Variants in UBE3B observed in about 807,000 individuals in gnomAD.
UBE3B encodes the protein ubiquitin protein ligase E3B.
A neutral mutation model predicts 132.3 loss-of-function variants in UBE3B; 80 were observed. That is an observed-to-expected ratio of 0.60 (90% CI 0.50 to 0.73). The LOEUF (loss-of-function observed/expected upper bound fraction) is 0.73, where lower values mean the gene tolerates loss of function less well. Among genes scored for constraint, UBE3B ranks in the 30% least tolerant of loss-of-function variants. The pLI is 0.00. For missense variants in UBE3B, 1,196 were observed against 1,362.5 expected (o/e 0.88, Z 1.92); for synonymous variants, 487 against 520.4 (o/e 0.94, Z 0.87).
chr12:109,533,872 C>A, intron 27 of UBE3B: 1 of 1,295,822 alleles, frequency 7.7e-7, no homozygotes, highest in Non-Finnish European at 1.0e-6. Context: ...AGATCTGAGG[C>A]AGCATGGGAG....
At chr12:109,492,806 A>G (rs1484071227) in intron 9 of UBE3B, 1 of 152,072 alleles carries the variant, frequency 6.6e-6, no homozygotes, top group Non-Finnish European at 1.5e-5. Flanking sequence ...TTAAACTAAT[A>G]TATCCAAAAT....
chr12:109,525,995 C>T (rs757087258), intron 23 of UBE3B, among the ~76,000 whole-genome samples: 20 of 152,176 alleles, frequency 1.3e-4, no homozygotes, highest in Middle Eastern at 3.4e-3. Flanking sequence ...TTTTAGTAAA[C>T]GCACATTTTC....
chr12:109,500,194 A>G (rs542522334), intron 12 of UBE3B, among the ~76,000 whole-genome samples: 1 of 152,348 alleles, frequency 6.6e-6, no homozygotes, highest in Non-Finnish European at 1.5e-5. Context: ...AAATGATTCA[A>G]AGGGAATAGA....
At chr12:109,531,551 G>C (rs1251107756) in intron 26 of UBE3B, among the ~76,000 whole-genome samples, 1 of 152,140 alleles carries the variant, frequency 6.6e-6, no homozygotes, top group East Asian at 1.9e-4. Flanking sequence ...GGCCTCATCT[G>C]TTGAGGCAAC....
In UBE3B at chr12:109,522,507, G is replaced by A. The variant is rs1390224434; in HGVS notation, c.2364+956G>A. Among the ~76,000 whole-genome samples, 1 of 152,236 alleles carries A rather than the reference G, an allele frequency of 6.6e-6. No individual in the cohort carries two copies. The highest frequency in any genetic ancestry group is 1.5e-5 in the Non-Finnish European group (1 of 68,040). ...GGACCCTGCCTGGGTCTCAGGCTCT[G>A]CTGAGCTTCTGGCCCAAGCACGGAG... On this transcript the variant is annotated intron_variant, in intron 21 of 27. Coordinates refer to ENST00000342494, the MANE Select transcript of UBE3B (RefSeq NM_130466.4). The surrounding 1 kb of genome is among the most constrained non-coding windows in gnomAD (Gnocchi z 4.2).
At chr12:109,501,089 T>C (rs1008834186) in intron 12 of UBE3B, among the ~76,000 whole-genome samples, 2 of 152,186 alleles carry the variant, frequency 1.3e-5, no homozygotes, top group African/African-American at 4.8e-5. Flanking sequence ...CAAGATTGTT[T>C]TTGTCACCTG....
chr12:109,540,739 C>T (rs1883594032), downstream of UBE3B, among the ~76,000 whole-genome samples: 1 of 152,254 alleles, frequency 6.6e-6, no homozygotes, highest in Admixed American at 6.5e-5. Flanking sequence ...TCCAGGACTG[C>T]CCCTCACACA....
At chr12:109,524,352 C>T in intron 22 of UBE3B, 86 bp from the exon 23 acceptor site, 2 of 1,532,302 alleles carry the variant, frequency 1.3e-6, no homozygotes, top group Non-Finnish European at 1.8e-6. Flanking sequence ...TTCCCAGCAC[C>T]AAAGCAGCGC....
chr12:109,512,571 T>C (rs1880511696), intron 18 of UBE3B, among the ~76,000 whole-genome samples: 1 of 152,188 alleles, frequency 6.6e-6, no homozygotes, highest in Non-Finnish European at 1.5e-5. Context: ...TTTCTCCTGT[T>C]CTATTTTCTT....
Position 109,533,483 on chromosome 12 carries a change from C to G in UBE3B, c.2940C>G (p.Ser980=). The stretch of plus-strand genomic sequence containing the variant: ...TGTTGCAGTTCGTGACCAGCTGCTC[C>G]AGACCCCCGCTCCTGGGATTCGCCT... The part of the protein sequence containing the change: ...AMFLKFVTSC[S]RPPLLGFAYL... Residue 980 remains serine, a synonymous_variant, in exon 27 of 28, where the codon TCC becomes TCG. Transcript: ENST00000342494. 1 of 1,614,184 alleles carries G rather than the reference C, an allele frequency of 6.2e-7. No individual in the cohort carries two copies. Among genetic ancestry groups the G allele is most frequent in the Non-Finnish European group, 8.5e-7 (1 of 1,180,030 alleles).
At chr12:109,509,527 CA>C in intron 15 of UBE3B, 68 bp from the exon 16 acceptor site, 1 of 904,886 alleles carries the variant, frequency 1.1e-6, no homozygotes, top group African/African-American at 1.7e-5. Flanking sequence ...GTCTAGTAAG[CA>C]GTACAGATTT....
At chr12:109,487,218 C>T (rs1876652906) in intron 6 of UBE3B, among the ~76,000 whole-genome samples, 1 of 152,162 alleles carries the variant, frequency 6.6e-6, no homozygotes, top group Admixed American at 6.5e-5. Flanking sequence ...GTCACAGTGG[C>T]AAGAGGAATG....
chr12:109,486,531 A>G lies in UBE3B; in HGVS notation c.403A>G (p.Lys135Glu), dbSNP rs1427784978. 6.2e-7 allele frequency: 1 copy of G among 1,611,906 alleles called. No homozygotes were observed. Among genetic ancestry groups the G allele is most frequent in the East Asian group, 2.2e-5 (1 of 44,800 alleles). The change falls in exon 6 of 28, where the codon AAG becomes GAG. Residue 135 changes from lysine to glutamate, a missense_variant. Transcript: ENST00000342494. Reference protein sequence around the residue: ...DLTLLWIQQIKNILWYCCDFL... With the variant: ...DLTLLWIQQIENILWYCCDFL... ...CACCCTCCTTTGGATTCAACAGATC[A>G]AGAACATTTTGTGGTACTGCTGTGA...
the UBE3B span, among the ~76,000 whole-genome samples, chr12:109,542,515 C>G: frequency 6.6e-6 from 1 of 152,136 alleles, no homozygotes; most frequent in Admixed American, 6.5e-5. Flanking sequence ...GCATCCTAAC[C>G]CCCACTACCT....
In UBE3B at chr12:109,521,265, A is replaced by C. The variant is rs2136064470; in HGVS notation, c.2194A>C (p.Lys732Gln). ...AGGGATTGATCAAGACGGTGTTTTT[A>C]AGGAGTTCTTGGAAGAGATCATCAA... ...EAGIDQDGVFKEFLEEIIKRV... is the reference protein window; with the variant it reads ...EAGIDQDGVFQEFLEEIIKRV... Residue 732 changes from lysine (K) to glutamine (Q), a missense_variant, in exon 20 of 28, where the codon AAG becomes CAG. By Grantham distance (53) the Lys-to-Gln change is moderately conservative. Coordinates refer to ENST00000342494, the MANE Select transcript of UBE3B (RefSeq NM_130466.4). The surrounding 1 kb of genome is among the most constrained non-coding windows in gnomAD (Gnocchi z 4.2). The C allele has an allele frequency of 6.2e-7, 1 of 1,614,154 alleles. No individual in the cohort carries two copies. Among genetic ancestry groups the C allele is most frequent in the Non-Finnish European group, 8.5e-7 (1 of 1,180,020 alleles).
intron 14 of UBE3B, among the ~76,000 whole-genome samples, chr12:109,504,076 T>C (rs1166356254): frequency 6.6e-6 from 1 of 152,226 alleles, no homozygotes; most frequent in African/African-American, 2.4e-5. Flanking sequence ...GTAGGGCTCA[T>C]GTAATGATGG....
At chr12:109,540,175 C>T (rs965545788), downstream of UBE3B, among the ~76,000 whole-genome samples, 2 of 152,132 alleles carry the variant, frequency 1.3e-5, no homozygotes, top group African/African-American at 4.8e-5. Flanking sequence ...GATGTATGTG[C>T]AGGGTTTGGG....
chr12:109,534,850 G>A lies in UBE3B; in HGVS notation c.*68G>A. The A allele has an allele frequency of 7.3e-7, 1 of 1,361,126 alleles. No homozygotes were observed. Among genetic ancestry groups the A allele is most frequent in the Non-Finnish European group, 9.9e-7 (1 of 1,012,044 alleles). The allele number at this position is 1,361,126 out of a possible 1,614,324, so 84.3% of individuals were successfully genotyped here. A position where few individuals can be genotyped will look rare whatever the true frequency, so the allele number is the denominator to read the frequency against. On this transcript the variant is annotated 3_prime_UTR_variant, in exon 28 of 28. Transcript: ENST00000342494. The surrounding 1 kb of genome is among the most constrained non-coding windows in gnomAD (Gnocchi z 5.2). ...GACCTTCAGCTCCCAGAGGCAGTGT[G>A]GTCCTGGGAATGTGACCAACATGCC...
intron 4 of UBE3B, among the ~76,000 whole-genome samples, chr12:109,484,231 G>T (rs1399523827): frequency 6.6e-6 from 1 of 151,406 alleles, no homozygotes; most frequent in African/African-American, 2.4e-5. Context: ...TTAGGTAAAT[G>T]AGTAAAAAAA....
Sources: allele counts gnomAD v4.1 joint callset (sites outside exome capture counted in the v4.1 genomes callset), GRCh38; gene constraint gnomAD v4.1.1; non-coding constraint Gnocchi (gnomAD v3.1); transcripts MANE v1.5; gene names NCBI Gene and HGNC (gene_info 2026-07-23, HGNC 2026-07-21).